The following GPC5 variants were observed in gnomAD, a reference collection of about 807,000 sequenced individuals.
GPC5 encodes glypican 5, also known as glypican-5.
A neutral mutation model predicts 53.9 loss-of-function variants in GPC5; 47 were observed. The ratio of observed to expected loss-of-function variants is 0.87; its 90% CI spans 0.69 to 1.11. The LOEUF is 1.11. GPC5 is among the 50% of genes most tolerant of loss of function. The pLI, the probability that GPC5 is intolerant of heterozygous loss-of-function variation, is 0.00. For synonymous variants in GPC5, 286 were observed against 263.3 expected (o/e 1.09, Z -0.84); for missense variants, 748 against 713.1 (o/e 1.05, Z -0.56).
At chr13:92,275,801 A>G (rs894554387) in intron 7 of GPC5, among the ~76,000 whole-genome samples, 1 of 152,130 alleles carries the variant, frequency 6.6e-6, no homozygotes, top group African/African-American at 2.4e-5. Context: ...ATTGTATTCT[A>G]TATGGGTTAA....
At chr13:92,422,620 T>C (rs1036245241) in intron 7 of GPC5, among the ~76,000 whole-genome samples, 12 of 152,078 alleles carry the variant, frequency 7.9e-5, no homozygotes, top group Non-Finnish European at 1.5e-4. Context: ...TCCCCACTGT[T>C]CAACTGTCTT....
chr13:92,393,354 G>A (rs1160242349), intron 7 of GPC5, among the ~76,000 whole-genome samples: 6 of 152,026 alleles, frequency 3.9e-5, no homozygotes, highest in East Asian at 1.9e-4. Flanking sequence ...TAAATAATAC[G>A]AACTTATGAA....
At chr13:92,852,357 G>A (rs1415085488) in intron 7 of GPC5, among the ~76,000 whole-genome samples, 1 of 152,116 alleles carries the variant, frequency 6.6e-6, no homozygotes, top group East Asian at 1.9e-4. Flanking sequence ...AACCAAAAGG[G>A]GAGAAGCGGT....
chr13:92,504,985 A>C, intron 7 of GPC5, among the ~76,000 whole-genome samples: 1 of 151,452 alleles, frequency 6.6e-6, no homozygotes, highest in East Asian at 1.9e-4. Context: ...TTATATATAT[A>C]TATGTGCATA....
intron 2 of GPC5, among the ~76,000 whole-genome samples, chr13:91,527,224 T>TA (rs1886127030): frequency 6.6e-6 from 1 of 152,208 alleles, no homozygotes; most frequent in African/African-American, 2.4e-5. Flanking sequence ...GCCTGTAAAA[T>TA]AAAAAACAAG....
intron 6 of GPC5, among the ~76,000 whole-genome samples, chr13:91,941,475 T>G: frequency 6.6e-6 from 1 of 152,266 alleles, no homozygotes; most frequent in Middle Eastern, 3.4e-3. Context: ...TATTAAATGT[T>G]CCTGGGGATT....
chr13:92,549,003 T>G (rs1882218974), intron 7 of GPC5, among the ~76,000 whole-genome samples: 1 of 152,152 alleles, frequency 6.6e-6, no homozygotes, highest in South Asian at 2.1e-4. Context: ...TTAGAATAGA[T>G]GATAAAATAT....
intron 2 of GPC5, among the ~76,000 whole-genome samples, chr13:91,630,843 G>GT (rs755625301): frequency 3.9e-5 from 6 of 151,902 alleles, no homozygotes; most frequent in Admixed American, 3.3e-4. Flanking sequence ...TTGTTTTTTT[G>GT]TTTTTTGTTT....
At chr13:92,361,922 T>C (rs2043570836) in intron 7 of GPC5, among the ~76,000 whole-genome samples, 1 of 151,616 alleles carries the variant, frequency 6.6e-6, no homozygotes, top group Admixed American at 6.6e-5. Flanking sequence ...AACGAGCTTT[T>C]GTAACATAAA....
intron 2 of GPC5, among the ~76,000 whole-genome samples, chr13:91,660,530 C>T (rs529250117): frequency 6.6e-6 from 1 of 152,306 alleles, no homozygotes; most frequent in African/African-American, 2.4e-5. Context: ...GAGACTCTTC[C>T]TGTAAGTTAC....
chr13:91,561,321 A>G (rs1594255440), intron 2 of GPC5, among the ~76,000 whole-genome samples: 2 of 152,270 alleles, frequency 1.3e-5, no homozygotes, highest in African/African-American at 4.8e-5. Context: ...AGCCCCTGGA[A>G]TTTCACTTAA....
At chr13:92,811,180 A>C (rs1877286929) in intron 7 of GPC5, among the ~76,000 whole-genome samples, 1 of 151,968 alleles carries the variant, frequency 6.6e-6, no homozygotes, top group Non-Finnish European at 1.5e-5. Context: ...ATAATGATGC[A>C]ATGAACACTG....
intron 7 of GPC5, among the ~76,000 whole-genome samples, chr13:92,829,748 G>A (rs1877986004): frequency 6.6e-6 from 1 of 152,042 alleles, no homozygotes; most frequent in African/African-American, 2.4e-5. Context: ...ACTCACAGCT[G>A]TCTATCAATC....
intron 7 of GPC5, among the ~76,000 whole-genome samples, chr13:92,187,294 A>C (rs2042191223): frequency 6.6e-6 from 1 of 152,148 alleles, no homozygotes; most frequent in African/African-American, 2.4e-5. Flanking sequence ...TCCCTAGTAC[A>C]TTTTCTAAAA....
chr13:91,714,537 T>G lies in GPC5; in HGVS notation c.1021-13995T>G, dbSNP rs2036293883. On this transcript the variant is annotated intron_variant, in intron 3 of 7. Transcript: ENST00000377067. ...GTAAATGATTCCATTTTAAATATAC[T>G]ATCTTTATGTTTAGAAATAGATACT... 5.9e-5 allele frequency among the ~76,000 whole-genome samples: 9 copies of G among 152,340 alleles called. No individual in the cohort carries two copies. In the South Asian group the frequency reaches 1.9e-3, roughly 32 times the overall value.
chr13:91,696,762 G>A (rs1433711785), intron 3 of GPC5, among the ~76,000 whole-genome samples: 1 of 152,042 alleles, frequency 6.6e-6, no homozygotes, highest in Admixed American at 6.5e-5. Flanking sequence ...CCTTATATTT[G>A]GTTAATGTTT....
chr13:91,947,246 T>A (rs2039982485), intron 6 of GPC5, among the ~76,000 whole-genome samples: 2 of 152,268 alleles, frequency 1.3e-5, no homozygotes, highest in South Asian at 4.1e-4. Context: ...CAAATTTGGA[T>A]ACTTGTAATT....
At chr13:92,555,072 G>C (rs1882448385) in intron 7 of GPC5, among the ~76,000 whole-genome samples, 2 of 151,150 alleles carry the variant, frequency 1.3e-5, no homozygotes, top group South Asian at 4.1e-4. Context: ...GATTATGGTG[G>C]TATTTGCACA....
intron 6 of GPC5, among the ~76,000 whole-genome samples, chr13:92,070,419 T>A (rs2041201540): frequency 2.0e-5 from 3 of 152,208 alleles, no homozygotes; most frequent in Admixed American, 2.0e-4. Flanking sequence ...CTCCCCATTG[T>A]TATTAATCTG....
Sources: gnomAD v4.1 joint callset for allele counts (sites outside exome capture counted in the v4.1 genomes callset) on GRCh38, gnomAD v4.1.1 for gene constraint, MANE v1.5 for transcripts, NCBI Gene and HGNC (gene_info 2026-07-23, HGNC 2026-07-21) for gene names.